IL1RAPL2: variants seen among roughly 807,000 people sequenced by gnomAD.
IL1RAPL2 encodes interleukin 1 receptor accessory protein like 2.
IL1RAPL2 carries 3 observed loss-of-function variants against 44.1 expected under a neutral mutation model. That is an observed-to-expected ratio of 0.07 (90% CI 0.03 to 0.18). The LOEUF (loss-of-function observed/expected upper bound fraction) is 0.18. Among genes scored for constraint, IL1RAPL2 ranks in the 10% least tolerant of loss-of-function variants. IL1RAPL2 has a pLI of 1.00. For synonymous variants in IL1RAPL2, 181 were observed against 178.8 expected (o/e 1.01, Z -0.10); for missense variants, 391 against 496.4 (o/e 0.79, Z 2.02).
rs528598196 is a variant in IL1RAPL2 at position 104,595,319 on chromosome X, T to C, written c.-20+28268T>C. 6.9e-4 allele frequency among the ~76,000 whole-genome samples: 77 copies of C among 111,456 alleles called. No individual in the cohort carries two copies. In the South Asian group the frequency reaches 0.028, roughly 41 times the overall value. On this transcript the variant is annotated intron_variant, in intron 1 of 10. Transcript: ENST00000372582. ...AGCTAGTAGCTGGCTGGAGGTGCTA[T>C]GAACTGAGATAGGGTTTATGGCGGG... is the stretch of plus-strand genomic sequence containing the variant.
intron 5 of IL1RAPL2, among the ~76,000 whole-genome samples, chrX:105,331,038 A>T (rs961377373): frequency 2.7e-5 from 3 of 111,853 alleles, no homozygotes; most frequent in African/African-American, 9.7e-5. Flanking sequence ...TAATGTATAT[A>T]AAGTGTTTAG....
At chrX:105,218,954 A>G (rs138864135) in intron 3 of IL1RAPL2, 12,084 of 1,193,233 alleles carry the variant, frequency 0.01, 61 homozygotes, top group Non-Finnish European at 0.013. Flanking sequence ...TCTATTTTGC[A>G]TTTCTGCACT....
chrX:104,572,041 A>G lies in IL1RAPL2; in HGVS notation c.-20+4990A>G, dbSNP rs1928158014. Among the ~76,000 whole-genome samples the G allele has an allele frequency of 2.7e-5, 3 of 112,114 alleles. No homozygotes were observed. In the Admixed American group the frequency reaches 2.8e-4, roughly 11 times the overall value. On this transcript the variant is annotated intron_variant, in intron 1 of 10. Transcript: ENST00000372582. ...CATCACTCTAGGAATCATCTAGATC[A>G]TTGTATTATGTTATGAATTTTTAAC...
chrX:104,579,453 A>T (rs1335172259), intron 1 of IL1RAPL2, among the ~76,000 whole-genome samples: 4 of 112,099 alleles, frequency 3.6e-5, no homozygotes, highest in East Asian at 2.8e-4. Context: ...ACCAACACAG[A>T]TGGACCTGGA....
At chrX:105,203,658 TA>T (rs1483208651) in intron 3 of IL1RAPL2, among the ~76,000 whole-genome samples, 1 of 111,984 alleles carries the variant, frequency 8.9e-6, no homozygotes, top group Non-Finnish European at 1.9e-5. Flanking sequence ...ACAACAATAC[TA>T]AATCCAATGG....
intron 2 of IL1RAPL2, among the ~76,000 whole-genome samples, chrX:105,074,963 G>C (rs1306841941): frequency 9.0e-6 from 1 of 111,124 alleles, no homozygotes; most frequent in East Asian, 2.8e-4. Context: ...GGGTTTTCTA[G>C]ATATACAATC....
intron 2 of IL1RAPL2, among the ~76,000 whole-genome samples, chrX:104,838,702 G>A (rs950409040): frequency 9.1e-6 from 1 of 110,302 alleles, no homozygotes; most frequent in African/African-American, 3.3e-5. Context: ...CTTCCTATTC[G>A]CATACCCTTT....
chrX:105,707,348 C>T (rs2038173757), intron 6 of IL1RAPL2, among the ~76,000 whole-genome samples: 1 of 112,047 alleles, frequency 8.9e-6, no homozygotes, highest in Non-Finnish European at 1.9e-5. Context: ...GGCAAAGATA[C>T]ATTTAATGCT....
intron 5 of IL1RAPL2, among the ~76,000 whole-genome samples, chrX:105,412,019 A>C (rs1020206748): frequency 5.4e-5 from 6 of 111,419 alleles, no homozygotes; most frequent in Non-Finnish European, 1.1e-4. Context: ...CAATCTTACA[A>C]ATACATGGGA....
intron 2 of IL1RAPL2, among the ~76,000 whole-genome samples, chrX:104,717,917 C>A (rs1293430126): frequency 9.1e-6 from 1 of 110,069 alleles, no homozygotes. Context: ...CATCCATGTC[C>A]CTACAAAGGA....
At chrX:104,789,477 T>C (rs1048862297) in intron 2 of IL1RAPL2, among the ~76,000 whole-genome samples, 1 of 111,871 alleles carries the variant, frequency 8.9e-6, no homozygotes, top group African/African-American at 3.3e-5. Context: ...TAAGTTAGTC[T>C]CTAGCTTATA....
intron 3 of IL1RAPL2, among the ~76,000 whole-genome samples, chrX:105,212,417 A>G (rs895853171): frequency 1.2e-4 from 13 of 110,882 alleles, no homozygotes; most frequent in African/African-American, 3.7e-4. Flanking sequence ...CTAGATTCCT[A>G]CTCACTGGGC....
chrX:105,195,900 T>G (rs2147612489), intron 3 of IL1RAPL2, 152 bp downstream of exon 3: 1 of 515,981 alleles, frequency 1.9e-6, no homozygotes, highest in African/African-American at 2.4e-5. Context: ...CAGTTCTAAT[T>G]ATCTATCAGA....
At chrX:104,606,601 G>A (rs1929017606) in intron 1 of IL1RAPL2, among the ~76,000 whole-genome samples, 1 of 111,811 alleles carries the variant, frequency 8.9e-6, no homozygotes, top group South Asian at 3.8e-4. Context: ...TCCTTAAGCT[G>A]ATAAGCAACT....
In IL1RAPL2 at chrX:104,906,759, A is replaced by C. The variant is rs927992261; in HGVS notation, c.82+247764A>C. ...CAATGTTCATCAAGGATATTGGTCT[A>C]AAATTGTCTTTTTTGGTTGTGTCTC... is the stretch of plus-strand genomic sequence containing the variant. On this transcript the variant is annotated intron_variant, in intron 2 of 10. Coordinates refer to ENST00000372582, the MANE Select transcript of IL1RAPL2 (RefSeq NM_017416.2). 3.9e-4 allele frequency among the ~76,000 whole-genome samples: 44 copies of C among 111,863 alleles called. 1 individual carries two copies. The South Asian group carries it at 8.7e-3, about 22-fold the overall frequency.
intron 1 of IL1RAPL2, chrX:104,647,785 T>G (rs1461559045): frequency 7.5e-6 from 4 of 534,447 alleles, no homozygotes; most frequent in Non-Finnish European, 1.0e-5. Context: ...CATTAAGTGG[T>G]CGAGAATGGC....
At chrX:105,367,626 C>G (rs896535404) in intron 5 of IL1RAPL2, among the ~76,000 whole-genome samples, 1 of 111,767 alleles carries the variant, frequency 8.9e-6, no homozygotes, top group Admixed American at 9.5e-5. Flanking sequence ...CACTTGCACA[C>G]ACTCTACGTT....
At chrX:105,196,576 C>T (rs1162814348) in intron 3 of IL1RAPL2, among the ~76,000 whole-genome samples, 3 of 111,680 alleles carry the variant, frequency 2.7e-5, no homozygotes, top group Middle Eastern at 4.6e-3. Context: ...TAATCAACAT[C>T]GAGCTCTGTA....
intron 2 of IL1RAPL2, among the ~76,000 whole-genome samples, chrX:104,883,263 G>A (rs2147659624): frequency 9.0e-6 from 1 of 111,470 alleles, no homozygotes; most frequent in East Asian, 2.8e-4. Context: ...CTGGGCACCT[G>A]TCGGCCAGTT....
Sources: allele counts gnomAD v4.1 joint callset (sites outside exome capture counted in the v4.1 genomes callset), GRCh38; gene constraint gnomAD v4.1.1; transcripts MANE v1.5; gene names NCBI Gene and HGNC (gene_info 2026-07-23, HGNC 2026-07-21).